Variants in SPATA31H1 observed in about 807,000 individuals in gnomAD.
The protein encoded by SPATA31H1 is SPATA31 subfamily H member 1, also known as spermatogenesis-associated protein 31H1.
the SPATA31H1 span, chr2:27,566,967 A>G: frequency 9.8e-6 from 7 of 717,510 alleles, no homozygotes; most frequent in East Asian, 2.7e-5. Context: ...TAGTTTACCT[A>G]TTTCCCACAA....
chr2:27,550,817 T>G, the SPATA31H1 span, among the ~76,000 whole-genome samples: 1 of 152,038 alleles, frequency 6.6e-6, no homozygotes, highest in African/African-American at 2.4e-5. Context: ...CACTGAGTTT[T>G]GAAAACAAAA....
chr2:27,577,755 T>C, the SPATA31H1 span: 2 of 1,613,934 alleles, frequency 1.2e-6, no homozygotes. This position sits in a 1 kb window ranked among gnomAD's most constrained non-coding sequence, Gnocchi z 4.5. Context: ...AATATCAGGG[T>C]TAGGACATCA....
the SPATA31H1 span, among the ~76,000 whole-genome samples, chr2:27,552,245 A>AT: frequency 6.6e-6 from 1 of 151,898 alleles, no homozygotes; most frequent in Non-Finnish European, 1.5e-5. Context: ...TCTTTGCATC[A>AT]TTTTGAATTA....
the SPATA31H1 span, chr2:27,572,325 A>G: frequency 2.5e-6 from 1 of 398,400 alleles, no homozygotes; most frequent in Non-Finnish European, 4.4e-6. Context: ...AGAGCTTGGA[A>G]GAATGAAATC....
At chr2:27,576,624 A>G in the SPATA31H1 span, 7 of 1,609,742 alleles carry the variant, frequency 4.3e-6, no homozygotes, top group African/African-American at 1.3e-5. Context: ...TCAAGAGTTG[A>G]CTTCAGGATG....
the SPATA31H1 span, chr2:27,569,479 T>C: frequency 1.8e-5 from 7 of 398,816 alleles, no homozygotes; most frequent in Non-Finnish European, 3.1e-5. Flanking sequence ...GAGCCACTAC[T>C]GCAAAATTTG....
chr2:27,582,025 T>C, the SPATA31H1 span: 69 of 1,586,110 alleles, frequency 4.4e-5, no homozygotes, highest in Non-Finnish European at 5.7e-5. Flanking sequence ...CACAGTCTCT[T>C]GGAGAGGAGC....
At chr2:27,580,941 C>T in the SPATA31H1 span, 1 of 1,614,198 alleles carries the variant, frequency 6.2e-7, no homozygotes, top group Non-Finnish European at 8.5e-7. Context: ...ACTGCCCAAG[C>T]CCACAGATTC....
the SPATA31H1 span, among the ~76,000 whole-genome samples, chr2:27,558,908 A>AGAGGGG: frequency 1.7e-5 from 1 of 57,160 alleles, no homozygotes; most frequent in Non-Finnish European, 3.1e-5. Context: ...AGGGAGAGGG[A>AGAGGGG]GAGGGAGAGG....
chr2:27,566,418 G>A, the SPATA31H1 span: 1 of 712,716 alleles, frequency 1.4e-6, no homozygotes, highest in South Asian at 1.5e-5. Context: ...GGGGATTGAA[G>A]GTGGTAGAGG....
At chr2:27,544,913 T>C in the SPATA31H1 span, among the ~76,000 whole-genome samples, 2 of 151,980 alleles carry the variant, frequency 1.3e-5, no homozygotes, top group Non-Finnish European at 2.9e-5. Flanking sequence ...ACCCAGCGTA[T>C]ATTGAAATGT....
chr2:27,540,091 G>A, the SPATA31H1 span, among the ~76,000 whole-genome samples: 1 of 102,388 alleles, frequency 9.8e-6, no homozygotes, highest in African/African-American at 3.8e-5. Flanking sequence ...AGGGGCGGCC[G>A]GGCAGAGGCG....
At chr2:27,550,445 G>C in the SPATA31H1 span, among the ~76,000 whole-genome samples, 2 of 129,698 alleles carry the variant, frequency 1.5e-5, no homozygotes, top group African/African-American at 3.0e-5. Flanking sequence ...TTGAGACAGA[G>C]TCTCACTCTA....
chr2:27,580,513 C>T, the SPATA31H1 span: 2 of 1,614,168 alleles, frequency 1.2e-6, no homozygotes, highest in Non-Finnish European at 1.7e-6. Flanking sequence ...ATAGAGAGTC[C>T]TTCTAGGGAA....
the SPATA31H1 span, among the ~76,000 whole-genome samples, chr2:27,560,250 T>C: frequency 6.6e-6 from 1 of 152,178 alleles, no homozygotes; most frequent in African/African-American, 2.4e-5. Context: ...GCAGGTTTGT[T>C]TCTGCACTTG....
the SPATA31H1 span, among the ~76,000 whole-genome samples, chr2:27,564,816 T>G: frequency 1.3e-5 from 2 of 152,040 alleles, no homozygotes; most frequent in African/African-American, 2.4e-5. Context: ...AAAAAAAAAT[T>G]GTTTTATTTG....
the SPATA31H1 span, among the ~76,000 whole-genome samples, chr2:27,555,329 A>C: frequency 1.3e-5 from 2 of 151,934 alleles, no homozygotes; most frequent in African/African-American, 4.9e-5. Context: ...TCTTTGACTG[A>C]AAATTTCTCT....
the SPATA31H1 span, among the ~76,000 whole-genome samples, chr2:27,545,360 GA>G: frequency 1.3e-4 from 20 of 151,990 alleles, no homozygotes; most frequent in African/African-American, 4.6e-4. Context: ...ATATCTATAT[GA>G]TAAAGAAGAA....
At chr2:27,567,239 G>T in the SPATA31H1 span, 1 of 617,774 alleles carries the variant, frequency 1.6e-6, no homozygotes, top group Non-Finnish European at 2.9e-6. Context: ...GACTTCCAAG[G>T]TGGGCTACAT....
Sources: allele counts gnomAD v4.1 joint callset (sites outside exome capture counted in the v4.1 genomes callset), GRCh38; gene constraint gnomAD v4.1.1; non-coding constraint Gnocchi (gnomAD v3.1); transcripts MANE v1.5; gene names NCBI Gene and HGNC (gene_info 2026-07-23, HGNC 2026-07-21).